The following RNF115 variants were observed in gnomAD, a reference collection of about 807,000 sequenced individuals.
The protein encoded by RNF115 is E3 ubiquitin-protein ligase RNF115.
Under a neutral mutation model 39.2 loss-of-function variants are expected in RNF115, and 31 were observed. The ratio of observed to expected loss-of-function variants is 0.79; its 90% CI spans 0.59 to 1.07. RNF115 has a LOEUF of 1.07. Ranked by LOEUF, RNF115 falls within the 50% of genes least tolerant of loss-of-function variation. The pLI is 0.00. For missense variants in RNF115, 384 were observed against 381.7 expected (o/e 1.01, Z -0.05); for synonymous variants, 124 against 131.0 (o/e 0.95, Z 0.37).
intron 1 of RNF115, among the ~76,000 whole-genome samples, chr1:145,802,923 A>G: frequency 1.3e-5 from 2 of 152,286 alleles, no homozygotes; most frequent in Middle Eastern, 6.8e-3. Context: ...AAGCCAGGTT[A>G]TACATCCTCC....
intron 1 of RNF115, among the ~76,000 whole-genome samples, chr1:145,806,218 C>T (rs1465033310): frequency 1.3e-5 from 2 of 152,074 alleles, no homozygotes; most frequent in African/African-American, 4.8e-5. Flanking sequence ...CATTGTGGCC[C>T]ACACCTGTAA....
chr1:145,766,740 G>C (rs1647303159), intron 4 of RNF115, among the ~76,000 whole-genome samples: 1 of 122,098 alleles, frequency 8.2e-6, no homozygotes, highest in African/African-American at 3.1e-5. Context: ...CTTCCCAGTA[G>C]GGGCGGCCGG....
chr1:145,751,445 A>G lies in RNF115; in HGVS notation c.566T>C (p.Val189Ala). The G allele has an allele frequency of 6.3e-7, 1 of 1,583,444 alleles. No homozygotes were observed. The highest frequency in any genetic ancestry group is 1.2e-5 in the South Asian group (1 of 86,626). Reference sequence around the variant, plus strand: ...CAAAAGGCAGCTCCTCACCTGGGTTACAATGGCATCAAGCCCTGTCTGACC... The same window carrying G: ...CAAAAGGCAGCTCCTCACCTGGGTTGCAATGGCATCAAGCCCTGTCTGACC... ...AWGQTGLDAI[V>A]TQLLGQLENT... Residue 189 changes from valine to alanine, a missense_variant, in exon 6 of 9, where the codon GTA becomes GCA. By Grantham distance (64) the Val-to-Ala change is moderately conservative (BLOSUM62 0). Coordinates refer to ENST00000582693, the MANE Select transcript of RNF115 (RefSeq NM_014455.4).
At chr1:145,753,428 G>A (rs191943978) in intron 4 of RNF115, among the ~76,000 whole-genome samples, 1 of 152,054 alleles carries the variant, frequency 6.6e-6, no homozygotes, top group Non-Finnish European at 1.5e-5. Flanking sequence ...TTCCATTTTT[G>A]TATGTTGTAC....
intron 4 of RNF115, among the ~76,000 whole-genome samples, chr1:145,764,937 G>A (rs1361598511): frequency 6.6e-6 from 1 of 152,232 alleles, no homozygotes; most frequent in Non-Finnish European, 1.5e-5. Context: ...ACAGCTCATT[G>A]AGAACGGGCC....
rs1657648618 is a variant in RNF115 at position 145,740,215 on chromosome 1, A to G, written c.*6651T>C. On this transcript the variant is annotated 3_prime_UTR_variant, in exon 9 of 9. Coordinates refer to ENST00000582693, the MANE Select transcript of RNF115 (RefSeq NM_014455.4). ...AATCACTGGAAGTCTCAGAAGATAT[A>G]TCCAACTATAGGAAAAGTTTCAGCC... 1 of 152,256 alleles carries G rather than the reference A, an allele frequency of 6.6e-6. No individual in the cohort carries two copies. Among genetic ancestry groups the G allele is most frequent in the African/African-American group, 2.4e-5 (1 of 41,476 alleles). The allele number at this position is 152,256 out of a possible 1,614,324, so 9.4% of individuals were successfully genotyped here.
Position 145,748,111 on chromosome 1 carries a change from C to G in RNF115, c.668-1G>C, listed in dbSNP as rs1202401835. ...CATACTGGACACTCTAAACCCATAT[C>G]TGTTGAAGAAGGAAATGCCTTTTAA... On this transcript the variant is annotated splice_acceptor_variant, in intron 7 of 8. Coordinates refer to ENST00000582693, the MANE Select transcript of RNF115 (RefSeq NM_014455.4). LOFTEE classifies it high-confidence loss of function. 5 of 1,605,390 alleles carry G rather than the reference C, an allele frequency of 3.1e-6. No homozygotes were observed. Among genetic ancestry groups the G allele is most frequent in the Non-Finnish European group, 4.3e-6 (5 of 1,172,486 alleles).
chr1:145,823,930 G>C lies in RNF115; in HGVS notation c.-57C>G. On this transcript the variant is annotated 5_prime_UTR_variant, in exon 1 of 9. Coordinates refer to ENST00000582693, the MANE Select transcript of RNF115 (RefSeq NM_014455.4). Reference sequence around the variant, plus strand: ...CAGCCGGCCCGTCCCTCGCCAGGCCGCTACCTCCCGAGCTGCAGTCGTCGC... The same window carrying C: ...CAGCCGGCCCGTCCCTCGCCAGGCCCCTACCTCCCGAGCTGCAGTCGTCGC... 5 of 1,273,754 alleles carry C rather than the reference G, an allele frequency of 3.9e-6. No homozygotes were observed. The South Asian group carries it at 7.8e-5, about 20-fold the overall frequency. The allele number at this position is 1,273,754 out of a possible 1,614,324, so 78.9% of individuals were successfully genotyped here.
intron 8 of RNF115, 77 bp downstream of exon 8, chr1:145,747,918 C>G (rs1436034963): frequency 2.0e-6 from 2 of 976,198 alleles, no homozygotes; most frequent in Non-Finnish European, 3.3e-6. Flanking sequence ...ATCTGATCTA[C>G]TTGGATCTCG....
chr1:145,748,111 CTGT>C lies in RNF115; in HGVS notation c.668-4_668-2del. On this transcript the variant is annotated splice_acceptor_variant and splice_polypyrimidine_tract_variant and intron_variant, in intron 7 of 8. Transcript: ENST00000582693. LOFTEE classifies it high-confidence loss of function. ...CATACTGGACACTCTAAACCCATAT[CTGT>C]TGAAGAAGGAAATGCCTTTTAAAGT... 6.2e-7 allele frequency: 1 copy of C among 1,605,508 alleles called. No homozygotes were observed. Among genetic ancestry groups the C allele is most frequent in the Middle Eastern group, 1.7e-4 (1 of 6,036 alleles).
intron 1 of RNF115, among the ~76,000 whole-genome samples, chr1:145,791,666 G>A (rs1553719021): frequency 6.6e-6 from 1 of 152,084 alleles, no homozygotes; most frequent in Non-Finnish European, 1.5e-5. Flanking sequence ...ATACCCTACA[G>A]AAATGGCAAT....
chr1:145,771,805 C>T lies in RNF115; in HGVS notation c.334G>A (p.Asp112Asn). The part of the protein sequence containing the change: ...ANERGHQTHT[D>N]FWGARPPRLP... ...CGTGGAGGTCTTGCTCCCCAGAAGTCAGTGTGAGTCTGGTGACCCCTTTCA... is the reference window on the plus strand; with the variant it reads ...CGTGGAGGTCTTGCTCCCCAGAAGTTAGTGTGAGTCTGGTGACCCCTTTCA... The change falls in exon 4 of 9, where the codon GAC becomes AAC. Residue 112 changes from aspartate (D) to asparagine (N), a missense_variant. Physicochemically the swap from Asp to Asn is conservative, Grantham distance 23. Coordinates refer to ENST00000582693, the MANE Select transcript of RNF115 (RefSeq NM_014455.4). 1 of 1,614,124 alleles carries T rather than the reference C, an allele frequency of 6.2e-7. No individual in the cohort carries two copies. The highest frequency in any genetic ancestry group is 1.3e-5 in the African/African-American group (1 of 75,036).
intron 4 of RNF115, among the ~76,000 whole-genome samples, chr1:145,763,065 C>T (rs1434047927): frequency 6.6e-6 from 1 of 152,136 alleles, no homozygotes; most frequent in East Asian, 1.9e-4. Flanking sequence ...ATGTTCACTG[C>T]TTAGGCCATG....
intron 2 of RNF115, among the ~76,000 whole-genome samples, chr1:145,786,035 T>G (rs1417099155): frequency 6.6e-6 from 1 of 152,204 alleles, no homozygotes; most frequent in African/African-American, 2.4e-5. Context: ...CTACACAGTT[T>G]CAGGGATTCA....
At chr1:145,792,556 C>T (rs1367441126) in intron 1 of RNF115, among the ~76,000 whole-genome samples, 1 of 151,928 alleles carries the variant, frequency 6.6e-6, no homozygotes, top group Non-Finnish European at 1.5e-5. Flanking sequence ...GACAGTCAAA[C>T]CAAGAAACAG....
chr1:145,755,532 GATA>G (rs1658263293), intron 4 of RNF115, among the ~76,000 whole-genome samples: 1 of 152,148 alleles, frequency 6.6e-6, no homozygotes, highest in African/African-American at 2.4e-5. Flanking sequence ...GAATCTGTGA[GATA>G]ATAAATATTT....
chr1:145,772,727 C>T (rs1309198838), intron 3 of RNF115: 1 of 152,104 alleles, frequency 6.6e-6, no homozygotes, highest in African/African-American at 2.4e-5. Flanking sequence ...GTTTATCCTT[C>T]TTGGGTGTTA....
intron 2 of RNF115, among the ~76,000 whole-genome samples, chr1:145,788,494 T>A (rs1201569367): frequency 6.6e-6 from 1 of 152,114 alleles, no homozygotes; most frequent in Non-Finnish European, 1.5e-5. Flanking sequence ...CAGAAGTCAC[T>A]CCCTAACCCG....
intron 4 of RNF115, among the ~76,000 whole-genome samples, chr1:145,767,910 C>G (rs1417039946): frequency 6.6e-6 from 1 of 152,088 alleles, no homozygotes; most frequent in Non-Finnish European, 1.5e-5. Context: ...TGCAGTGAGC[C>G]GAGATGGCAG....
Sources: gnomAD v4.1 joint callset for allele counts (sites outside exome capture counted in the v4.1 genomes callset) on GRCh38, gnomAD v4.1.1 for gene constraint, MANE v1.5 for transcripts, NCBI Gene and HGNC (gene_info 2026-07-23, HGNC 2026-07-21) for gene names.